EYS: variants seen among roughly 807,000 people sequenced by gnomAD.
EYS encodes the protein EGF-like photoreceptor maintenance factor.
A neutral mutation model predicts 282.1 loss-of-function variants in EYS; 250 were observed. That is an observed-to-expected ratio of 0.89 (90% CI 0.80 to 0.98). EYS has a LOEUF of 0.98. EYS is among the 50% of genes least tolerant of loss of function. The pLI, the probability that EYS is intolerant of heterozygous loss-of-function variation, is 0.00. For synonymous variants in EYS, 1,355 were observed against 1,282.9 expected, an observed-to-expected ratio of 1.06 and a Z score of -1.20; for missense variants, 4,016 against 3,709.0, an observed-to-expected ratio of 1.08 and a Z score of -2.15.
At chr6:64,771,784 GCT>G (rs1773530194) in intron 22 of EYS, among the ~76,000 whole-genome samples, 1 of 151,712 alleles carries the variant, frequency 6.6e-6, no homozygotes, top group East Asian at 1.9e-4. Context: ...TGTTCATTTT[GCT>G]CTGAGTTTAT....
intron 22 of EYS, among the ~76,000 whole-genome samples, chr6:64,707,408 G>A (rs1369698405): frequency 6.6e-6 from 1 of 152,186 alleles, no homozygotes; most frequent in East Asian, 1.9e-4. Context: ...GGTGGCTCAC[G>A]CCTGTAATCC....
rs1262656764 is a variant in EYS at position 63,859,116 on chromosome 6, G to T, written c.7228+5070C>A. Among the ~76,000 whole-genome samples, 7 of 82,360 alleles carry T rather than the reference G, an allele frequency of 8.5e-5. No homozygotes were observed. The East Asian group carries it at 1.9e-3, about 23-fold the overall frequency. The allele number at this position is 82,360 out of a possible 152,430, so 54.0% of individuals were successfully genotyped here. ...TTTTTTTTTTTTTTTTTTTTTAATA[G>T]CTGGGATGGAGATGCAGCCTTCTGT... On this transcript the variant is annotated intron_variant, in intron 36 of 42. Coordinates refer to ENST00000503581, the MANE Select transcript of EYS (RefSeq NM_001142800.2).
intron 30 of EYS, among the ~76,000 whole-genome samples, chr6:64,267,477 G>C (rs1767800580): frequency 6.6e-6 from 1 of 152,016 alleles, no homozygotes; most frequent in African/African-American, 2.4e-5. Flanking sequence ...CTGTAATGAA[G>C]CTTCATTCTT....
intron 9 of EYS, among the ~76,000 whole-genome samples, chr6:65,347,336 T>A (rs1413723725): frequency 6.6e-6 from 1 of 151,842 alleles, no homozygotes; most frequent in Admixed American, 6.6e-5. Flanking sequence ...CTGACTTACC[T>A]TTCAGCTTTT....
At chr6:63,940,782 C>T (rs1274021366) in intron 35 of EYS, among the ~76,000 whole-genome samples, 1 of 151,658 alleles carries the variant, frequency 6.6e-6, no homozygotes, top group Non-Finnish European at 1.5e-5. Flanking sequence ...GTGCTACACC[C>T]ATTAACTCAT....
At chr6:64,316,181 C>T (rs1769954817) in intron 29 of EYS, among the ~76,000 whole-genome samples, 1 of 152,106 alleles carries the variant, frequency 6.6e-6, no homozygotes, top group South Asian at 2.1e-4. Flanking sequence ...CCTCTCTCAC[C>T]ACACCTATTC....
intron 26 of EYS, among the ~76,000 whole-genome samples, chr6:64,457,958 TG>T (rs1210744473): frequency 6.6e-6 from 1 of 151,988 alleles, no homozygotes; most frequent in Non-Finnish European, 1.5e-5. Context: ...TATAGGATTT[TG>T]CTTTGTGGTT....
intron 5 of EYS, among the ~76,000 whole-genome samples, chr6:65,426,576 T>G (rs931271310): frequency 5.3e-5 from 8 of 152,166 alleles, no homozygotes; most frequent in Admixed American, 1.3e-4. Flanking sequence ...TAAAGTTGCC[T>G]GCTGAATCAC....
At chr6:64,610,411 T>A (rs1206618070) in intron 24 of EYS, among the ~76,000 whole-genome samples, 1 of 147,180 alleles carries the variant, frequency 6.8e-6, no homozygotes, top group Non-Finnish European at 1.5e-5. Context: ...AGAATTTTTT[T>A]TTTTTTTTTT....
chr6:65,296,799 G>GT (rs1562079303), intron 11 of EYS, among the ~76,000 whole-genome samples: 1 of 151,618 alleles, frequency 6.6e-6, no homozygotes, highest in East Asian at 1.9e-4. Flanking sequence ...TTTTCTAGTA[G>GT]TTTTTTACAT....
At chr6:64,783,027 C>T (rs1351655700) in intron 22 of EYS, among the ~76,000 whole-genome samples, 6 of 152,092 alleles carry the variant, frequency 3.9e-5, no homozygotes, top group East Asian at 1.9e-4. Context: ...GTGATGAAAT[C>T]GTGCACTGCC....
chr6:65,620,148 C>A (rs13208860), intron 2 of EYS, among the ~76,000 whole-genome samples: 54,662 of 151,830 alleles, frequency 0.36, 11,187 homozygotes, highest in African/African-American at 0.57. Context: ...CCTCCTTGTA[C>A]CTCTGGTAGA....
At chr6:64,754,411 A>C (rs549578014) in intron 22 of EYS, among the ~76,000 whole-genome samples, 1 of 152,038 alleles carries the variant, frequency 6.6e-6, no homozygotes, top group Non-Finnish European at 1.5e-5. Context: ...CCAGACATAC[A>C]AGGAGAATTT....
chr6:64,285,953 C>A (rs561395270), intron 30 of EYS, among the ~76,000 whole-genome samples: 44 of 152,246 alleles, frequency 2.9e-4, no homozygotes, highest in African/African-American at 1.0e-3. Context: ...GGTGGGGACA[C>A]AGAGCCAAAC....
intron 29 of EYS, among the ~76,000 whole-genome samples, chr6:64,337,082 C>T (rs567494163): frequency 6.6e-6 from 1 of 151,934 alleles, no homozygotes; most frequent in Non-Finnish European, 1.5e-5. Context: ...GAAACAAGAA[C>T]AAACCAAATC....
intron 26 of EYS, among the ~76,000 whole-genome samples, chr6:64,481,292 A>ATG (rs1395279526): frequency 2.0e-5 from 3 of 148,182 alleles, no homozygotes; most frequent in African/African-American, 7.4e-5. Context: ...ATATATATAT[A>ATG]TATATAATTA....
At chr6:63,909,987 T>C (rs968304227) in intron 35 of EYS, among the ~76,000 whole-genome samples, 1 of 152,168 alleles carries the variant, frequency 6.6e-6, no homozygotes, top group South Asian at 2.1e-4. Flanking sequence ...AAAGAAAACA[T>C]GTCAAGAGAA....
At chr6:65,348,150 T>C (rs746615220) in intron 9 of EYS, among the ~76,000 whole-genome samples, 1 of 151,786 alleles carries the variant, frequency 6.6e-6, no homozygotes, top group Non-Finnish European at 1.5e-5. Context: ...ACACCCAGGT[T>C]GCTTCAAAAT....
intron 12 of EYS, among the ~76,000 whole-genome samples, chr6:65,288,725 G>A (rs1477602551): frequency 6.6e-6 from 1 of 150,972 alleles, no homozygotes; most frequent in East Asian, 1.9e-4. Flanking sequence ...AATATTGGAT[G>A]TATAAAATGA....
Sources: allele counts gnomAD v4.1 joint callset (sites outside exome capture counted in the v4.1 genomes callset), GRCh38; gene constraint gnomAD v4.1.1; transcripts MANE v1.5; gene names NCBI Gene and HGNC (gene_info 2026-07-23, HGNC 2026-07-21).